CLSTN2: variants seen among roughly 807,000 people sequenced by gnomAD.
CLSTN2 encodes the protein calsyntenin-2.
In CLSTN2, 48 loss-of-function variants were observed where a neutral mutation model predicts 101.2. The observed-to-expected ratio is 0.47, with a 90% CI of 0.38 to 0.60. The LOEUF (loss-of-function observed/expected upper bound fraction) is 0.60, where lower values mean the gene tolerates loss of function less well. CLSTN2 is among the 20% of genes least tolerant of loss of function. The pLI is 0.00. For synonymous variants in CLSTN2, 481 were observed against 463.6 expected, an observed-to-expected ratio of 1.04 and a Z score of -0.48; for missense variants, 1,160 against 1,238.2, an observed-to-expected ratio of 0.94 and a Z score of 0.95.
chr3:140,451,780 C>T (rs1661255513), intron 6 of CLSTN2, among the ~76,000 whole-genome samples: 1 of 152,156 alleles, frequency 6.6e-6, no homozygotes, highest in African/African-American at 2.4e-5. Context: ...TGTGTGTCTT[C>T]AGTGGATGGT....
intron 2 of CLSTN2, among the ~76,000 whole-genome samples, chr3:140,203,028 A>G (rs530326336): frequency 6.6e-6 from 1 of 152,152 alleles, no homozygotes; most frequent in Non-Finnish European, 1.5e-5. Context: ...TAATAGTGGA[A>G]CCCCAAGGTG....
chr3:140,026,215 T>G (rs77172012), intron 1 of CLSTN2, among the ~76,000 whole-genome samples: 4,275 of 152,320 alleles, frequency 0.028, 157 homozygotes, highest in African/African-American at 0.079. Flanking sequence ...TAAAGTGTTT[T>G]CTGAAGTCAG....
At chr3:140,192,826 T>C (rs1305386902) in intron 2 of CLSTN2, among the ~76,000 whole-genome samples, 1 of 151,908 alleles carries the variant, frequency 6.6e-6, no homozygotes, top group Non-Finnish European at 1.5e-5. Flanking sequence ...GCCATTTTAT[T>C]TTTGTGTTGT....
At chr3:140,117,414 A>G (rs756686565) in intron 1 of CLSTN2, among the ~76,000 whole-genome samples, 2 of 152,130 alleles carry the variant, frequency 1.3e-5, no homozygotes, top group Non-Finnish European at 2.9e-5. Context: ...TTCCTTGCCT[A>G]TAAAACAGAG....
chr3:139,944,583 G>A lies in CLSTN2; in HGVS notation c.109+9100G>A, dbSNP rs143521747. On this transcript the variant is annotated intron_variant, in intron 1 of 16. Coordinates refer to ENST00000458420, the MANE Select transcript of CLSTN2 (RefSeq NM_022131.3). ...CCATTGCCACCTGTCTCCCAGGGTG[G>A]CTGTGAGCCCTTGGAGGGGGAAGTG... 3.4e-3 allele frequency among the ~76,000 whole-genome samples: 519 copies of A among 152,306 alleles called. 2 individuals carry two copies. Among genetic ancestry groups the A allele is most frequent in the African/African-American group, 0.012 (479 of 41,568 alleles).
chr3:140,412,042 T>C (rs1012934991), intron 4 of CLSTN2, among the ~76,000 whole-genome samples: 7 of 152,204 alleles, frequency 4.6e-5, no homozygotes, highest in Non-Finnish European at 1.0e-4. Flanking sequence ...GAGACAGAGT[T>C]TCACTCTTGT....
intron 2 of CLSTN2, among the ~76,000 whole-genome samples, chr3:140,220,599 C>T (rs2086261228): frequency 6.6e-6 from 1 of 152,206 alleles, no homozygotes; most frequent in Admixed American, 6.5e-5. Flanking sequence ...CTTTCAGAGG[C>T]ACATTTGCCA....
intron 2 of CLSTN2, among the ~76,000 whole-genome samples, chr3:140,228,160 T>C (rs2086339795): frequency 6.6e-6 from 1 of 152,220 alleles, no homozygotes; most frequent in African/African-American, 2.4e-5. Context: ...AGGCTTTCCT[T>C]CCTTTATAAA....
At chr3:140,208,384 C>T (rs2010810946) in intron 2 of CLSTN2, among the ~76,000 whole-genome samples, 1 of 152,310 alleles carries the variant, frequency 6.6e-6, no homozygotes, top group African/African-American at 2.4e-5. Context: ...ATAGACTTCA[C>T]TAACTTTATC....
At chr3:140,128,400 T>A (rs1009072487) in intron 1 of CLSTN2, among the ~76,000 whole-genome samples, 1 of 152,216 alleles carries the variant, frequency 6.6e-6, no homozygotes, top group East Asian at 1.9e-4. Context: ...GACAGCATCC[T>A]GGCAGGAAAC....
chr3:140,456,889 C>A (rs193195235), intron 6 of CLSTN2, among the ~76,000 whole-genome samples: 1 of 152,010 alleles, frequency 6.6e-6, no homozygotes, highest in Non-Finnish European at 1.5e-5. Context: ...ATTTTGTAAC[C>A]AATTTTGTCT....
At chr3:140,330,855 G>A (rs1559840736) in intron 2 of CLSTN2, among the ~76,000 whole-genome samples, 1 of 152,180 alleles carries the variant, frequency 6.6e-6, no homozygotes, top group East Asian at 1.9e-4. Flanking sequence ...TTGTTCGTAG[G>A]CATCTAACCC....
chr3:140,475,584 C>A (rs1468178160), intron 8 of CLSTN2, among the ~76,000 whole-genome samples: 3 of 152,226 alleles, frequency 2.0e-5, no homozygotes, highest in South Asian at 2.1e-4. Flanking sequence ...CCGTCTTACC[C>A]ACTTCCCCTG....
intron 5 of CLSTN2, among the ~76,000 whole-genome samples, chr3:140,424,968 G>A (rs1261320724): frequency 1.3e-5 from 2 of 152,146 alleles, no homozygotes; most frequent in Non-Finnish European, 2.9e-5. Flanking sequence ...AGGGAGCTGT[G>A]TGCATTTGCC....
chr3:140,254,122 C>T (rs2086585706), intron 2 of CLSTN2, among the ~76,000 whole-genome samples: 1 of 152,180 alleles, frequency 6.6e-6, no homozygotes, highest in African/African-American at 2.4e-5. Flanking sequence ...TTGCAGACTT[C>T]TCATGTTCTC....
chr3:140,558,955 T>C (rs759661415), intron 12 of CLSTN2, 98 bp downstream of exon 12: 1 of 917,200 alleles, frequency 1.1e-6, no homozygotes, highest in South Asian at 1.6e-5. Flanking sequence ...ATGTAATGTA[T>C]ACATGGCTTA....
intron 2 of CLSTN2, among the ~76,000 whole-genome samples, chr3:140,217,832 C>T (rs1023306541): frequency 9.2e-5 from 14 of 152,222 alleles, no homozygotes; most frequent in Admixed American, 2.0e-4. Context: ...GCAGAGGAAG[C>T]ATGGAAGTTA....
intron 1 of CLSTN2, among the ~76,000 whole-genome samples, chr3:140,157,492 A>G (rs193129614): frequency 2.0e-5 from 3 of 152,332 alleles, no homozygotes; most frequent in Admixed American, 6.5e-5. Context: ...CTAGGAATTT[A>G]TCCATTTCCT....
intron 2 of CLSTN2, among the ~76,000 whole-genome samples, chr3:140,255,920 A>T (rs1417047789): frequency 6.6e-6 from 1 of 152,184 alleles, no homozygotes; most frequent in Non-Finnish European, 1.5e-5. Flanking sequence ...AGCTTTGAGG[A>T]CAGAAATTAT....
Sources: allele counts gnomAD v4.1 joint callset (sites outside exome capture counted in the v4.1 genomes callset), GRCh38; gene constraint gnomAD v4.1.1; transcripts MANE v1.5; gene names NCBI Gene and HGNC (gene_info 2026-07-23, HGNC 2026-07-21).